Variants in ATAD2B observed in about 807,000 individuals in gnomAD.
ATAD2B encodes the protein ATPase family AAA domain-containing protein 2B.
ATAD2B carries 40 observed loss-of-function variants against 167.6 expected under a neutral mutation model. That is an observed-to-expected ratio of 0.24 (90% CI 0.19 to 0.31). The LOEUF is 0.31. ATAD2B is among the 10% of genes least tolerant of loss of function. The pLI, the probability that ATAD2B is intolerant of heterozygous loss-of-function variation, is 1.00. For missense variants in ATAD2B, 1,242 were observed against 1,757.2 expected (o/e 0.71, Z 5.24); for synonymous variants, 579 against 596.5 (o/e 0.97, Z 0.43).
chr2:23,754,931 G>A, intron 25 of ATAD2B, 157 bp from the exon 26 acceptor site: 1 of 668,078 alleles, frequency 1.5e-6, no homozygotes, highest in Non-Finnish European at 2.3e-6. Context: ...CAATGTGGTA[G>A]ATTTTTTATT....
At chr2:23,892,187 G>A (rs536741094) in intron 2 of ATAD2B, among the ~76,000 whole-genome samples, 24 of 151,954 alleles carry the variant, frequency 1.6e-4, no homozygotes, top group African/African-American at 3.1e-4. Context: ...TTCTTGAGAC[G>A]GAGTCTCGCT....
chr2:23,771,119 T>C lies in ATAD2B; in HGVS notation c.3134-5491A>G, dbSNP rs568407326. ...CAATTTCCTGTTTGTTGCTAGTATA[T>C]AGAAAAACAAGTGTTTTACATGCTG... is the stretch of plus-strand genomic sequence containing the variant. On this transcript the variant is annotated intron_variant, in intron 22 of 27. Coordinates refer to ENST00000238789, the MANE Select transcript of ATAD2B (RefSeq NM_017552.4). Among the ~76,000 whole-genome samples, 8 of 152,358 alleles carry C rather than the reference T, an allele frequency of 5.3e-5. No homozygotes were observed. In the South Asian group the frequency reaches 6.2e-4, roughly 12 times the overall value.
intron 21 of ATAD2B, among the ~76,000 whole-genome samples, chr2:23,784,056 C>T (rs888153977): frequency 6.6e-6 from 1 of 152,042 alleles, no homozygotes; most frequent in Non-Finnish European, 1.5e-5. Context: ...ACCAGTCAAT[C>T]TCCCTATAAG....
At chr2:23,741,774 G>A in the ATAD2B span, among the ~76,000 whole-genome samples, 18 of 152,254 alleles carry the variant, frequency 1.2e-4, no homozygotes, top group Admixed American at 3.3e-4. Context: ...GCAACCTACA[G>A]AATGGGAGAA....
chr2:23,703,307 C>A, the ATAD2B span: 1 of 1,548,056 alleles, frequency 6.5e-7, no homozygotes, highest in Non-Finnish European at 8.7e-7. Flanking sequence ...CGAGGCAGGC[C>A]GAGCTGCCGG....
At chr2:23,820,181 C>A (rs1687233024) in intron 16 of ATAD2B, among the ~76,000 whole-genome samples, 1 of 151,524 alleles carries the variant, frequency 6.6e-6, no homozygotes. Context: ...TCATAAAATC[C>A]CACCTATTTA....
Position 23,856,390 on chromosome 2 carries a change from A to AT in ATAD2B, c.1568+1024dup, listed in dbSNP as rs531017172. On this transcript the variant is annotated intron_variant, in intron 13 of 27. Coordinates refer to ENST00000238789, the MANE Select transcript of ATAD2B (RefSeq NM_017552.4). ...AATGTTGGAACATTTCAGATTTCAG[A>AT]TTTTTGGATTTGGGATGCTCAACCT... is the stretch of plus-strand genomic sequence containing the variant. The AT allele has an allele frequency of 1.8e-3, 612 of 345,378 alleles. 4 individuals carry two copies. Among genetic ancestry groups the AT allele is most frequent in the African/African-American group, 0.013 (564 of 44,052 alleles). 21.4% of individuals were successfully genotyped at this position (345,378 alleles called of 1,614,324 possible).
intron 18 of ATAD2B, 84 bp downstream of exon 18, chr2:23,810,227 AATCTT>A (rs898206124): frequency 1.7e-6 from 2 of 1,169,376 alleles, no homozygotes; most frequent in African/African-American, 3.1e-5. Context: ...ACTCTGAAAA[AATCTT>A]ATCTTTAACA....
At chr2:23,925,340 C>G (rs1704571215) in intron 1 of ATAD2B, among the ~76,000 whole-genome samples, 1 of 152,162 alleles carries the variant, frequency 6.6e-6, no homozygotes, top group Non-Finnish European at 1.5e-5. Context: ...AAAAATATTT[C>G]AGAGTAGTAT....
chr2:23,856,540 G>C (rs1693444768), intron 13 of ATAD2B: 1 of 244,690 alleles, frequency 4.1e-6, no homozygotes, highest in Non-Finnish European at 9.0e-6. Flanking sequence ...TACTCCTGGG[G>C]AGTGAAAAAG....
At chr2:23,690,647 G>C in the ATAD2B span, 2 of 152,232 alleles carry the variant, frequency 1.3e-5, no homozygotes, top group African/African-American at 4.8e-5. Flanking sequence ...GAGGAGCCAG[G>C]ATGGGGCGGC....
At chr2:23,823,072 ATTTG>A (rs1234244087) in intron 16 of ATAD2B, among the ~76,000 whole-genome samples, 182 bp downstream of exon 16, 2 of 117,708 alleles carry the variant, frequency 1.7e-5, no homozygotes, top group African/African-American at 5.9e-5. Context: ...ACATTCATTC[ATTTG>A]TCTTAAAAAC....
In ATAD2B at chr2:23,866,771, T is replaced by C. The variant is rs533699833; in HGVS notation, c.1188+1064A>G. Among the ~76,000 whole-genome samples, 5 of 152,356 alleles carry C rather than the reference T, an allele frequency of 3.3e-5. No homozygotes were observed. The East Asian group carries it at 9.6e-4, about 29-fold the overall frequency. On this transcript the variant is annotated intron_variant, in intron 10 of 27. Transcript: ENST00000238789. ...ATCTTCAAGTATATATGCAATTCTA[T>C]TTGATAACTTATTTTAAATCTCTCT...
chr2:23,920,017 G>A (rs1703673570), intron 1 of ATAD2B, among the ~76,000 whole-genome samples: 1 of 152,032 alleles, frequency 6.6e-6, no homozygotes, highest in Non-Finnish European at 1.5e-5. Context: ...CAGACGTGGT[G>A]GCTCACGTCT....
chr2:23,888,063 C>T, intron 3 of ATAD2B, 78 bp from the exon 4 acceptor site: 1 of 1,237,678 alleles, frequency 8.1e-7, no homozygotes. Context: ...CAAAAAATTA[C>T]TTTTAAAAGA....
chr2:23,872,842 G>GA, intron 8 of ATAD2B: 7 of 972,488 alleles, frequency 7.2e-6, no homozygotes, highest in Non-Finnish European at 1.2e-5. Context: ...GCACTGAGGT[G>GA]AAGCAGATGT....
the ATAD2B span, among the ~76,000 whole-genome samples, chr2:23,711,012 G>A: frequency 2.6e-5 from 4 of 152,104 alleles, no homozygotes; most frequent in East Asian, 1.9e-4. Context: ...TCACATTTCC[G>A]TGAGACAGGT....
Position 23,786,302 on chromosome 2 carries a change from T to C in ATAD2B, c.2777-79A>G, listed in dbSNP as rs113273766. 1,510 of 1,168,292 alleles carry C rather than the reference T, an allele frequency of 1.3e-3. 15 individuals carry two copies. In the African/African-American group the frequency reaches 0.015, roughly 11 times the overall value. The allele number at this position is 1,168,292 out of a possible 1,614,324, so 72.4% of individuals were successfully genotyped here. On this transcript the variant is annotated intron_variant, in intron 20 of 27. Coordinates refer to ENST00000238789, the MANE Select transcript of ATAD2B (RefSeq NM_017552.4). ...TTTTTGGCATTCTCTCAAAATGTTCTTTAAAGAAAAGAATTACAAATACAG... is the reference window on the plus strand; with the variant it reads ...TTTTTGGCATTCTCTCAAAATGTTCCTTAAAGAAAAGAATTACAAATACAG...
the ATAD2B span, among the ~76,000 whole-genome samples, chr2:23,709,947 G>C: frequency 1.3e-5 from 2 of 152,116 alleles, no homozygotes; most frequent in African/African-American, 4.8e-5. Flanking sequence ...CTTAACTCTG[G>C]GGGGTGAACA....
Sources: allele counts gnomAD v4.1 joint callset (sites outside exome capture counted in the v4.1 genomes callset), GRCh38; gene constraint gnomAD v4.1.1; transcripts MANE v1.5; gene names NCBI Gene and HGNC (gene_info 2026-07-23, HGNC 2026-07-21).